The following ZNF678 variants were observed in gnomAD, a reference collection of about 807,000 sequenced individuals.
The protein encoded by ZNF678 is hypothetical protein MGC42493.
A neutral mutation model predicts 3.0 loss-of-function variants in ZNF678; 5 were observed. That is an observed-to-expected ratio of 1.69 (90% CI 0.88 to 3.56). The LOEUF (loss-of-function observed/expected upper bound fraction) is 3.56, where lower values mean the gene tolerates loss of function less well. Ranked by LOEUF, ZNF678 falls within the 30% of genes most tolerant of loss-of-function variation. The pLI is 0.00. For missense variants in ZNF678, 593 were observed against 605.0 expected, an observed-to-expected ratio of 0.98 and a Z score of 0.21; for synonymous variants, 218 against 199.6, an observed-to-expected ratio of 1.09 and a Z score of -0.78.
rs148514242 is a variant in ZNF678, at chr1:227,583,334, T to G, written c.-164+19610T>G. On this transcript the variant is annotated intron_variant, in intron 1 of 3. Transcript: ENST00000343776. ...TTCAATAAGTCCATTTTAGAAAATT[T>G]CTTTTTTTTTCTTTTTTCTTTTTTT... Among the ~76,000 whole-genome samples the G allele has an allele frequency of 4.5e-3, 687 of 151,086 alleles. 3 individuals are homozygous for G. Among genetic ancestry groups the G allele is most frequent in the Middle Eastern group, 6.8e-3 (2 of 292 alleles).
At chr1:227,652,732 A>G (rs1284883036) in intron 3 of ZNF678, among the ~76,000 whole-genome samples, 1 of 152,130 alleles carries the variant, frequency 6.6e-6, no homozygotes, top group Non-Finnish European at 1.5e-5. Flanking sequence ...AGAGACATCA[A>G]CAGATGTTTA....
Position 227,599,782 on chromosome 1 carries a change from TC to T in ZNF678, c.-164+36059del, listed in dbSNP as rs1234800577. ...ATATTCAGCGTGATTGTATACACCT[TC>T]TTAAAAATAAATTCAGCTTTATTAT... On this transcript the variant is annotated intron_variant, in intron 1 of 3. Transcript: ENST00000343776. 2.0e-5 allele frequency among the ~76,000 whole-genome samples: 3 copies of T among 152,348 alleles called. No homozygotes were observed. The East Asian group carries it at 5.8e-4, about 29-fold the overall frequency.
chr1:227,566,116 G>GA (rs1324180798), intron 1 of ZNF678, among the ~76,000 whole-genome samples: 1 of 152,226 alleles, frequency 6.6e-6, no homozygotes, highest in Non-Finnish European at 1.5e-5. Flanking sequence ...AATGGCCCAA[G>GA]ATGCCCACAG....
At chr1:227,651,157 C>A in intron 3 of ZNF678, 81 bp downstream of exon 3, 2 of 1,495,078 alleles carry the variant, frequency 1.3e-6, no homozygotes, top group South Asian at 1.3e-5. Flanking sequence ...TACCTGAGTC[C>A]TAAGGTTGTT....
At chr1:227,635,791 C>T (rs545509029) in intron 1 of ZNF678, among the ~76,000 whole-genome samples, 5 of 152,180 alleles carry the variant, frequency 3.3e-5, no homozygotes, top group Non-Finnish European at 7.4e-5. Context: ...CTTGCCGGCA[C>T]ATGCTGCTGG....
chr1:227,625,101 C>CT (rs1489392113), intron 1 of ZNF678, among the ~76,000 whole-genome samples: 2 of 152,168 alleles, frequency 1.3e-5, no homozygotes, highest in Non-Finnish European at 2.9e-5. Flanking sequence ...TTGACTATTT[C>CT]TTTATCTCCC....
chr1:227,639,786 CAGAT>C (rs1157841781), intron 1 of ZNF678, among the ~76,000 whole-genome samples: 1 of 152,100 alleles, frequency 6.6e-6, no homozygotes, highest in African/African-American at 2.4e-5. Flanking sequence ...AGCTAGGGTG[CAGAT>C]ACAGTCCCGG....
At chr1:227,651,123 T>C (rs763051458) in intron 3 of ZNF678, 47 bp downstream of exon 3, 2 of 1,601,460 alleles carry the variant, frequency 1.2e-6, no homozygotes, top group African/African-American at 2.7e-5. Flanking sequence ...AGATCTTTTC[T>C]GGGTTCATAG....
chr1:227,618,446 T>A (rs1279484803), intron 1 of ZNF678, among the ~76,000 whole-genome samples: 1 of 152,206 alleles, frequency 6.6e-6, no homozygotes, highest in African/African-American at 2.4e-5. Context: ...GAATCAAGCT[T>A]GTCTGTCATT....
intron 1 of ZNF678, among the ~76,000 whole-genome samples, chr1:227,633,795 C>T (rs1658610113): frequency 6.6e-6 from 1 of 152,124 alleles, no homozygotes; most frequent in African/African-American, 2.4e-5. Flanking sequence ...CAGTCTAGGC[C>T]ACAAAGACTG....
rs1204533178 is a variant in ZNF678 at position 227,655,215 on chromosome 1, A to G, written c.965A>G (p.Gln322Arg). The change falls in exon 4 of 4, where the codon CAA (glutamine) becomes CGA (arginine). Residue 322 changes from glutamine (Q) to arginine (R), a missense_variant. By Grantham distance (43) the Gln-to-Arg change is conservative. Coordinates refer to ENST00000343776, the MANE Select transcript of ZNF678 (RefSeq NM_001367909.1). The stretch of plus-strand genomic sequence containing the variant: ...ATTCATACTGGAGAAAAACCCTACC[A>G]ATGTGAAGAATGTGGCAAAACTTTT... ...KRIHTGEKPY[Q>R]CEECGKTFNR... 1.9e-6 allele frequency: 3 copies of G among 1,612,366 alleles called. No homozygotes were observed. The highest frequency in any genetic ancestry group is 1.7e-5 in the Admixed American group (1 of 59,574).
intron 1 of ZNF678, among the ~76,000 whole-genome samples, chr1:227,585,503 G>A (rs959186976): frequency 1.5e-4 from 23 of 152,130 alleles, no homozygotes; most frequent in Non-Finnish European, 2.5e-4. Context: ...GGCCGGGCAC[G>A]GTGGCACACA....
At position 227,659,736 on chromosome 1, in the gene ZNF678, T is replaced by A. The variant is rs972917052; in HGVS notation, c.*3908T>A. 3 of 152,230 alleles carry A rather than the reference T, an allele frequency of 2.0e-5. No homozygotes were observed. The highest frequency in any genetic ancestry group is 7.2e-5 in the African/African-American group (3 of 41,458). The allele number at this position is 152,230 out of a possible 1,614,324, so 9.4% of individuals were successfully genotyped here. On this transcript the variant is annotated 3_prime_UTR_variant, in exon 4 of 4. Transcript: ENST00000343776. Reference sequence around the variant, plus strand: ...CGCTCCATGATGTGTTTAAAAATTATTTTTAAATTGACAAAATTTTATATC... The same window carrying A: ...CGCTCCATGATGTGTTTAAAAATTAATTTTAAATTGACAAAATTTTATATC...
In ZNF678 at chr1:227,563,646, G is replaced by C. The variant is rs1312989142; in HGVS notation, c.-242G>C. On this transcript the variant is annotated 5_prime_UTR_variant, in exon 1 of 4. Coordinates refer to ENST00000343776, the MANE Select transcript of ZNF678 (RefSeq NM_001367909.1). ...AGGCCCTGGTGACTCTGCTGCTGCA[G>C]TGTCTGGTTTCCCTGTGACCTGCAG... The C allele has an allele frequency of 1.2e-5, 16 of 1,311,162 alleles. No individual in the cohort carries two copies. The highest frequency in any genetic ancestry group is 1.5e-5 in the Non-Finnish European group (15 of 990,364). 81.2% of individuals were successfully genotyped at this position (1,311,162 alleles called of 1,614,324 possible).
In ZNF678 at chr1:227,656,350, CAAG is replaced by C. The variant is rs1318657943; in HGVS notation, c.*524_*526del. 6.6e-6 allele frequency: 1 copy of C among 151,768 alleles called. No individual in the cohort carries two copies. Among genetic ancestry groups the C allele is most frequent in the Non-Finnish European group, 1.5e-5 (1 of 67,816 alleles). 9.4% of individuals were successfully genotyped at this position (151,768 alleles called of 1,614,324 possible). ...TAGTTGTATGTAAATTTAAATGAAT[CAAG>C]AGATGATGTCTTTTTGAAGCACAGT... On this transcript the variant is annotated 3_prime_UTR_variant, in exon 4 of 4. Coordinates refer to ENST00000343776, the MANE Select transcript of ZNF678 (RefSeq NM_001367909.1).
rs1046883203 is a variant in ZNF678, at chr1:227,646,658, C to G, written c.-49C>G. 8 of 1,372,048 alleles carry G rather than the reference C, an allele frequency of 5.8e-6. No homozygotes were observed. Among genetic ancestry groups the G allele is most frequent in the East Asian group, 4.5e-5 (1 of 22,208 alleles). The allele number at this position is 1,372,048 out of a possible 1,614,324, so 85.0% of individuals were successfully genotyped here. A position where few individuals can be genotyped will look rare whatever the true frequency, so the allele number is the denominator to read the frequency against. On this transcript the variant is annotated 5_prime_UTR_variant, in exon 2 of 4. Coordinates refer to ENST00000343776, the MANE Select transcript of ZNF678 (RefSeq NM_001367909.1). ...TGTGATGTTCGAGAACTACAGAAAC[C>G]TGGTCTCCCTGGGTGAGGATAACTT...
At chr1:227,640,976 C>T (rs185119695) in intron 1 of ZNF678, among the ~76,000 whole-genome samples, 127 of 152,348 alleles carry the variant, frequency 8.3e-4, no homozygotes, top group African/African-American at 2.7e-3. Context: ...ACCTGGCACA[C>T]GCCAGAGCCT....
intron 1 of ZNF678, among the ~76,000 whole-genome samples, chr1:227,622,547 G>A (rs1028002347): frequency 6.6e-5 from 10 of 152,200 alleles, no homozygotes; most frequent in African/African-American, 2.4e-4. Flanking sequence ...GAGTTTGATA[G>A]AGTTTGGCTT....
chr1:227,624,799 G>C lies in ZNF678; in HGVS notation c.-163-21745G>C, dbSNP rs550821454. Among the ~76,000 whole-genome samples the C allele has an allele frequency of 4.6e-5, 7 of 152,326 alleles. 2 individuals carry two copies. Among genetic ancestry groups the C allele is most frequent in the African/African-American group, 1.7e-4 (7 of 41,576 alleles). ...CTAGCCTGATTGGGAGCGGCAGTGGGCACCTCGCTGGATCAGAAGTGCAGC... is the reference window on the plus strand; with the variant it reads ...CTAGCCTGATTGGGAGCGGCAGTGGCCACCTCGCTGGATCAGAAGTGCAGC... On this transcript the variant is annotated intron_variant, in intron 1 of 3. Transcript: ENST00000343776.
Sources: gnomAD v4.1 joint callset for allele counts (sites outside exome capture counted in the v4.1 genomes callset) on GRCh38, gnomAD v4.1.1 for gene constraint, MANE v1.5 for transcripts, NCBI Gene and HGNC (gene_info 2026-07-23, HGNC 2026-07-21) for gene names.